JPH3: variants seen among roughly 807,000 people sequenced by gnomAD.
JPH3 encodes junctophilin 3, also known as junctophilin-3.
JPH3 carries 11 observed loss-of-function variants against 59.6 expected under a neutral mutation model. That is an observed-to-expected ratio of 0.18 (90% confidence interval 0.12 to 0.31). The LOEUF (loss-of-function observed/expected upper bound fraction) is 0.31, where lower values mean the gene tolerates loss of function less well. JPH3 is among the 10% of genes least tolerant of loss of function. JPH3 has a pLI of 1.00. For missense variants in JPH3, 1,202 were observed against 1,105.7 expected, an observed-to-expected ratio of 1.09 and a Z score of -1.24; for synonymous variants, 673 against 483.6, an observed-to-expected ratio of 1.39 and a Z score of -5.14.
chr16:87,649,225 C>A (rs150624274), intron 2 of JPH3, among the ~76,000 whole-genome samples: 77 of 152,316 alleles, frequency 5.1e-4, no homozygotes, highest in African/African-American at 1.7e-3. Context: ...CAGCCTCACC[C>A]CAGTGGGAAC....
At chr16:87,626,954 A>G (rs566412223) in intron 1 of JPH3, among the ~76,000 whole-genome samples, 15 of 152,362 alleles carry the variant, frequency 9.8e-5, no homozygotes, top group African/African-American at 3.1e-4. Context: ...CAGCCTGGAC[A>G]ACATAGTGAA....
At position 87,644,255 on chromosome 16, in the gene JPH3, C is replaced by T. The variant is rs760549460; in HGVS notation, c.383-3C>T. 2.5e-6 allele frequency: 4 copies of T among 1,601,122 alleles called. No individual in the cohort carries two copies. The highest frequency in any genetic ancestry group is 3.4e-6 in the Non-Finnish European group (4 of 1,173,724). ...ACTCACCCCTCTCTCATTTTCTCCC[C>T]AGGGACCTACCAGGGCCAGTGGGTC... is the stretch of plus-strand genomic sequence containing the variant. On this transcript the variant is annotated splice_region_variant and splice_polypyrimidine_tract_variant and intron_variant, in intron 1 of 4. Transcript: ENST00000284262.
chr16:87,655,403 G>C (rs1233145410), intron 2 of JPH3, among the ~76,000 whole-genome samples: 3 of 152,134 alleles, frequency 2.0e-5, no homozygotes, highest in African/African-American at 7.2e-5. Flanking sequence ...CCCCGGGCTG[G>C]AGTGCAGTGG....
intron 4 of JPH3, chr16:87,694,043 C>T (rs1484087549): frequency 6.6e-6 from 1 of 152,266 alleles, no homozygotes; most frequent in Non-Finnish European, 1.5e-5. Context: ...CAGAGCCTGT[C>T]CAGGCCACAG....
At chr16:87,641,147 C>A (rs1001751923) in intron 1 of JPH3, among the ~76,000 whole-genome samples, 1 of 152,196 alleles carries the variant, frequency 6.6e-6, no homozygotes, top group South Asian at 2.1e-4. Flanking sequence ...GACCTCTGGG[C>A]AAGAGGCTGA....
Position 87,644,677 on chromosome 16 carries a change from G to A in JPH3, c.802G>A (p.Glu268Lys), listed in dbSNP as rs755951557. Residue 268 changes from glutamate (E) to lysine (K), a missense_variant, in exon 2 of 5, where the codon GAG (glutamate) becomes AAG (lysine). Coordinates refer to ENST00000284262, the MANE Select transcript of JPH3 (RefSeq NM_020655.4). Reference protein sequence around the residue: ...SDIHSTISLGEAEAELAVIED... With the variant: ...SDIHSTISLGKAEAELAVIED... ...CATCCACTCCACCATCAGCCTGGGC[G>A]AGGCTGAGGCCGAGCTGGCGGTCAT... 6.8e-6 allele frequency: 11 copies of A among 1,611,918 alleles called. No individual in the cohort carries two copies. The highest frequency in any genetic ancestry group is 2.2e-5 in the East Asian group (1 of 44,826).
At chr16:87,637,416 G>GTT (rs1317600661) in intron 1 of JPH3, among the ~76,000 whole-genome samples, 2 of 118,552 alleles carry the variant, frequency 1.7e-5, no homozygotes, top group African/African-American at 7.5e-5. Context: ...GAGAGAGTGT[G>GTT]TGTGTTTGTG....
intron 1 of JPH3, among the ~76,000 whole-genome samples, chr16:87,627,517 G>T (rs1047328926): frequency 8.5e-5 from 13 of 152,210 alleles, no homozygotes; most frequent in African/African-American, 2.9e-4. Context: ...GTTCCTCCCA[G>T]TGCCTTTGGA....
At chr16:87,659,030 G>C (rs541047241) in intron 2 of JPH3, among the ~76,000 whole-genome samples, 1 of 152,196 alleles carries the variant, frequency 6.6e-6, no homozygotes, top group Non-Finnish European at 1.5e-5. Context: ...CAGCTGCGGC[G>C]GCCACAGCGA....
intron 2 of JPH3, among the ~76,000 whole-genome samples, chr16:87,651,594 G>C (rs1199754744): frequency 6.6e-6 from 1 of 152,246 alleles, no homozygotes; most frequent in Admixed American, 6.5e-5. Flanking sequence ...GACTTCAGTG[G>C]AGGAAGGACT....
intron 4 of JPH3, chr16:87,695,818 A>T: frequency 2.2e-6 from 1 of 456,020 alleles, no homozygotes; most frequent in Non-Finnish European, 4.4e-6. Context: ...CTGTTGTGAG[A>T]CGTGTCCTAC....
At chr16:87,665,125 A>G (rs1366993352) in intron 2 of JPH3, among the ~76,000 whole-genome samples, 1 of 152,108 alleles carries the variant, frequency 6.6e-6, no homozygotes, top group African/African-American at 2.4e-5. Flanking sequence ...GGTCATGAGC[A>G]CCACAGTCTT....
intron 1 of JPH3, among the ~76,000 whole-genome samples, chr16:87,621,103 G>T (rs2031169047): frequency 6.6e-6 from 1 of 152,230 alleles, no homozygotes; most frequent in African/African-American, 2.4e-5. Context: ...AGGTTGCAGT[G>T]AGCCGAAATC....
rs2030282980 is a variant in JPH3, at chr16:87,602,698, C to T, written c.-449C>T. ...CGCGGGCCCCGCCGCCGCCCTCGGG[C>T]GCCCGCAGCGCGGCAGCCGCAGGTG... On this transcript the variant is annotated 5_prime_UTR_variant, in exon 1 of 5. Coordinates refer to ENST00000284262, the MANE Select transcript of JPH3 (RefSeq NM_020655.4). 7.3e-6 allele frequency among the ~76,000 whole-genome samples: 1 copy of T among 137,130 alleles called. No individual in the cohort carries two copies. Among genetic ancestry groups the T allele is most frequent in the East Asian group, 2.2e-4 (1 of 4,446 alleles). 90.0% of individuals were successfully genotyped at this position (137,130 alleles called of 152,430 possible).
intron 2 of JPH3, among the ~76,000 whole-genome samples, chr16:87,676,355 C>T (rs1397893171): frequency 1.3e-5 from 2 of 152,172 alleles, no homozygotes; most frequent in African/African-American, 4.8e-5. Flanking sequence ...TCCATAAATG[C>T]ATTAAGTGGC....
At position 87,684,150 on chromosome 16, in the gene JPH3, A is replaced by T; in HGVS notation, c.1169A>T (p.His390Leu). ...KAEIAASRTS[H>L]SRAKAEAALT... is the part of the protein sequence containing the mutation. ...CTCCCTGTCTCCCCCAGGACCTCCC[A>T]CTCTCGGGCAAAGGCCGAGGCAGCC... Residue 390 changes from histidine to leucine, a missense_variant, in exon 3 of 5, where the codon CAC becomes CTC. Physicochemically the swap from His to Leu is moderately conservative, Grantham distance 99 (BLOSUM62 -3). Transcript: ENST00000284262. 1 of 1,612,184 alleles carries T rather than the reference A, an allele frequency of 6.2e-7. No homozygotes were observed. Among genetic ancestry groups the T allele is most frequent in the Non-Finnish European group, 8.5e-7 (1 of 1,179,454 alleles).
In JPH3 at chr16:87,635,161, T is replaced by A. The variant is rs7195771; in HGVS notation, c.383-9097T>A. ...GGCTGTGGCCATGAGCTCAGGTCTT[T>A]AGTGGGCTCCTTGCTCCTCCCAGCA... On this transcript the variant is annotated intron_variant, in intron 1 of 4. Coordinates refer to ENST00000284262, the MANE Select transcript of JPH3 (RefSeq NM_020655.4). Among the ~76,000 whole-genome samples, 3 of 151,822 alleles carry A rather than the reference T, an allele frequency of 2.0e-5. No individual in the cohort carries two copies. The South Asian group carries it at 6.2e-4, about 32-fold the overall frequency.
chr16:87,638,827 C>T (rs1204730767), intron 1 of JPH3, among the ~76,000 whole-genome samples: 1 of 152,202 alleles, frequency 6.6e-6, no homozygotes, highest in Admixed American at 6.5e-5. Flanking sequence ...CCCAGTCCCC[C>T]TTCCTGACCC....
chr16:87,644,129 A>G, intron 1 of JPH3, 129 bp from the exon 2 acceptor site: 1 of 985,226 alleles, frequency 1.0e-6, no homozygotes, highest in Non-Finnish European at 1.5e-6. Context: ...CACAGCGAGA[A>G]CCTGTCTCAA....
Sources: allele counts gnomAD v4.1 joint callset (sites outside exome capture counted in the v4.1 genomes callset), GRCh38; gene constraint gnomAD v4.1.1; transcripts MANE v1.5; gene names NCBI Gene and HGNC (gene_info 2026-07-23, HGNC 2026-07-21).